Variants in SAMSN1 observed in about 807,000 individuals in gnomAD.
SAMSN1 encodes the protein SAM domain, SH3 domain and nuclear localization signals 1.
SAMSN1 carries 31 observed loss-of-function variants against 42.0 expected under a neutral mutation model. The ratio of observed to expected loss-of-function variants is 0.74; its 90% CI spans 0.55 to 1.00. SAMSN1 has a LOEUF of 1.00. Ranked by LOEUF, SAMSN1 falls within the 50% of genes least tolerant of loss-of-function variation. The pLI is 0.00. For synonymous variants in SAMSN1, 178 were observed against 151.9 expected (o/e 1.17, Z -1.26); for missense variants, 464 against 439.4 (o/e 1.06, Z -0.50).
At chr21:14,608,624 C>A (rs1173172464) in intron 5 of SAMSN1, among the ~76,000 whole-genome samples, 7 of 152,084 alleles carry the variant, frequency 4.6e-5, no homozygotes, top group African/African-American at 1.4e-4. Context: ...TTTCATCACC[C>A]CTTTCCCAAT....
intron 1 of SAMSN1, among the ~76,000 whole-genome samples, chr21:14,538,369 C>A (rs1218499532): frequency 6.6e-6 from 1 of 152,114 alleles, no homozygotes; most frequent in Non-Finnish European, 1.5e-5. Context: ...AAAACTGTGC[C>A]ATAAATCCCA....
intron 1 of SAMSN1, among the ~76,000 whole-genome samples, chr21:14,543,408 CT>C (rs1980171858): frequency 6.6e-6 from 1 of 152,088 alleles, no homozygotes; most frequent in Non-Finnish European, 1.5e-5. Context: ...TGGACTTACT[CT>C]TTTTAAATTC....
At chr21:14,552,200 C>T (rs1009802037) in intron 2 of SAMSN1, among the ~76,000 whole-genome samples, 1 of 152,054 alleles carries the variant, frequency 6.6e-6, no homozygotes, top group African/African-American at 2.4e-5. Context: ...CTTATTGGCC[C>T]TCAATTCTAC....
At chr21:14,640,718 A>C (rs1449993618) in intron 2 of SAMSN1, among the ~76,000 whole-genome samples, 1 of 152,098 alleles carries the variant, frequency 6.6e-6, no homozygotes, top group Admixed American at 6.6e-5. Flanking sequence ...TTTCATTCGG[A>C]ATATAATAAG....
intron 1 of SAMSN1, among the ~76,000 whole-genome samples, chr21:14,645,664 T>C (rs1408985203): frequency 2.6e-5 from 4 of 152,044 alleles, no homozygotes; most frequent in Non-Finnish European, 5.9e-5. Context: ...CCAACTAAAC[T>C]AAATAAGGCA....
chr21:14,516,454 C>T lies in SAMSN1; in HGVS notation c.279+438G>A, dbSNP rs564402018. ...GTTGCCAGGCTGAAGTTCAGTGGTG[C>T]AATCAGGGCTCACTGGAACCCCCGC... On this transcript the variant is annotated intron_variant, in intron 3 of 7. Transcript: ENST00000400566. Among the ~76,000 whole-genome samples the T allele has an allele frequency of 7.7e-4, 117 of 152,124 alleles. 1 individual carries two copies. Among genetic ancestry groups the T allele is most frequent in the African/African-American group, 2.7e-3 (110 of 41,504 alleles).
At chr21:14,640,403 C>A (rs979298593) in intron 2 of SAMSN1, among the ~76,000 whole-genome samples, 1 of 152,108 alleles carries the variant, frequency 6.6e-6, no homozygotes, top group Non-Finnish European at 1.5e-5. Flanking sequence ...TGAGCCATAA[C>A]TCCATTAGCT....
intron 1 of SAMSN1, among the ~76,000 whole-genome samples, chr21:14,526,561 T>C (rs1418738995): frequency 6.6e-6 from 1 of 152,238 alleles, no homozygotes; most frequent in African/African-American, 2.4e-5. Flanking sequence ...TACAGAATAC[T>C]GTTTCATGAT....
intron 2 of SAMSN1, among the ~76,000 whole-genome samples, chr21:14,631,828 T>C (rs1464619111): frequency 2.0e-5 from 3 of 152,206 alleles, no homozygotes; most frequent in East Asian, 1.9e-4. Flanking sequence ...TGTTACTCTC[T>C]AGATATTTTG....
At chr21:14,551,126 C>G (rs544625465), upstream of SAMSN1, among the ~76,000 whole-genome samples, 1 of 151,910 alleles carries the variant, frequency 6.6e-6, no homozygotes, top group Non-Finnish European at 1.5e-5. Context: ...TTGATGTGCT[C>G]AAAATACTAT....
At chr21:14,642,477 A>T (rs2123381151) in intron 2 of SAMSN1, among the ~76,000 whole-genome samples, 1 of 152,316 alleles carries the variant, frequency 6.6e-6, no homozygotes, top group East Asian at 1.9e-4. Flanking sequence ...CACTTGAGAT[A>T]ATTATTAACT....
At chr21:14,499,023 A>C (rs1987024982) in intron 6 of SAMSN1, among the ~76,000 whole-genome samples, 1 of 152,228 alleles carries the variant, frequency 6.6e-6, no homozygotes, top group Non-Finnish European at 1.5e-5. Flanking sequence ...TGATTGCAAA[A>C]GCATCTACTC....
intron 1 of SAMSN1, among the ~76,000 whole-genome samples, chr21:14,646,625 T>C (rs1322436657): frequency 6.6e-6 from 1 of 152,142 alleles, no homozygotes; most frequent in African/African-American, 2.4e-5. Context: ...CAGAATATTA[T>C]AACACTGTAA....
chr21:14,554,730 C>A (rs940163634), intron 2 of SAMSN1, among the ~76,000 whole-genome samples: 1 of 138,670 alleles, frequency 7.2e-6, no homozygotes, highest in Non-Finnish European at 1.5e-5. Flanking sequence ...ACAAAGTCTT[C>A]CTCTGCCACC....
At position 14,505,777 on chromosome 21, in the gene SAMSN1, C is replaced by G. The variant is rs563018579; in HGVS notation, c.561+4533G>C. ...AACAGATACATACAGAACATTCCATCCAACAACCTCAGAATATACATTCTA... is the reference window on the plus strand; with the variant it reads ...AACAGATACATACAGAACATTCCATGCAACAACCTCAGAATATACATTCTA... On this transcript the variant is annotated intron_variant, in intron 5 of 7. Transcript: ENST00000400566. Among the ~76,000 whole-genome samples, 170 of 152,268 alleles carry G rather than the reference C, an allele frequency of 1.1e-3. No individual in the cohort carries two copies. The Middle Eastern group carries it at 0.014, about 12-fold the overall frequency.
upstream of SAMSN1, among the ~76,000 whole-genome samples, chr21:14,548,040 G>A (rs757939646): frequency 1.3e-5 from 2 of 152,108 alleles, no homozygotes; most frequent in Non-Finnish European, 2.9e-5. Context: ...CTTTCAGTTT[G>A]GGCTTGGGTT....
chr21:14,557,608 T>A (rs1415495246), intron 2 of SAMSN1, among the ~76,000 whole-genome samples: 1 of 152,202 alleles, frequency 6.6e-6, no homozygotes, highest in East Asian at 1.9e-4. Context: ...CAGCTACCAG[T>A]TAAGGGAAAT....
In SAMSN1 at chr21:14,516,174, C is replaced by T. The variant is rs568322288; in HGVS notation, c.279+718G>A. ...AAAATATTTCCACACAAAAATTGAA[C>T]AGAAGTATCTGTAGCAGCATTATTC... is the stretch of plus-strand genomic sequence containing the variant. On this transcript the variant is annotated intron_variant, in intron 3 of 7. Coordinates refer to ENST00000400566, the MANE Select transcript of SAMSN1 (RefSeq NM_022136.5). Among the ~76,000 whole-genome samples the T allele has an allele frequency of 4.6e-5, 7 of 152,210 alleles. No homozygotes were observed. The South Asian group carries it at 1.4e-3, about 32-fold the overall frequency.
intron 7 of SAMSN1, among the ~76,000 whole-genome samples, chr21:14,490,488 C>T (rs1361237457): frequency 6.6e-6 from 1 of 152,052 alleles, no homozygotes; most frequent in Non-Finnish European, 1.5e-5. Context: ...GTAACTATGG[C>T]TATATTTATT....
Sources: allele counts gnomAD v4.1 joint callset (sites outside exome capture counted in the v4.1 genomes callset), GRCh38; gene constraint gnomAD v4.1.1; transcripts MANE v1.5; gene names NCBI Gene and HGNC (gene_info 2026-07-23, HGNC 2026-07-21).